The following FAM118B variants were observed in gnomAD, a reference collection of about 807,000 sequenced individuals.
The protein encoded by FAM118B is protein FAM118B.
A neutral mutation model predicts 38.5 loss-of-function variants in FAM118B; 24 were observed. The observed-to-expected ratio is 0.62, with a 90% CI of 0.45 to 0.88. The LOEUF (loss-of-function observed/expected upper bound fraction) is 0.88. Among genes scored for constraint, FAM118B ranks in the 40% least tolerant of loss-of-function variants. The pLI is 0.00. For missense variants in FAM118B, 334 were observed against 420.0 expected (o/e 0.80, Z 1.79); for synonymous variants, 138 against 156.3 (o/e 0.88, Z 0.87).
rs997497060 is a variant in FAM118B at position 126,234,905 on chromosome 11, C to T, written c.-7-90C>T. On this transcript the variant is annotated intron_variant, in intron 2 of 8. Transcript: ENST00000533050. ...CCTCCAAAACACCTTTAAGGGTATA[C>T]AGCTTTTTTAAACTGTTTAATATAT... 5.8e-6 allele frequency: 6 copies of T among 1,027,042 alleles called. No individual in the cohort carries two copies. In the African/African-American group the frequency reaches 9.7e-5, roughly 17 times the overall value. 63.6% of individuals were successfully genotyped at this position (1,027,042 alleles called of 1,614,324 possible).
chr11:126,232,691 G>GT (rs1432376086), intron 2 of FAM118B, among the ~76,000 whole-genome samples: 1 of 150,678 alleles, frequency 6.6e-6, no homozygotes, highest in African/African-American at 2.4e-5. Flanking sequence ...GTTTTTTAAA[G>GT]TTTTTTTAAA....
chr11:126,220,979 G>C (rs1950056080), intron 1 of FAM118B, among the ~76,000 whole-genome samples: 1 of 152,136 alleles, frequency 6.6e-6, no homozygotes. Flanking sequence ...TTGAGGCCAG[G>C]AGTTTGAAAC....
At chr11:126,225,757 A>G (rs957151375) in intron 1 of FAM118B, among the ~76,000 whole-genome samples, 2 of 152,162 alleles carry the variant, frequency 1.3e-5, no homozygotes, top group Admixed American at 6.5e-5. Flanking sequence ...AGGCAGGCAG[A>G]TCATTTGAGG....
At position 126,255,808 on chromosome 11, in the gene FAM118B, C is replaced by G. The variant is rs1225203512; in HGVS notation, c.697-759C>G. Reference sequence around the variant, plus strand: ...TCTCTACTAAAAATAGGAAAATTAGCTGGGCGTGCTGGCAGGTGCCTGTAA... The same window carrying G: ...TCTCTACTAAAAATAGGAAAATTAGGTGGGCGTGCTGGCAGGTGCCTGTAA... On this transcript the variant is annotated intron_variant, in intron 6 of 8. Transcript: ENST00000533050. The surrounding 1 kb of genome is among the most constrained non-coding windows in gnomAD (Gnocchi z 4.6). Among the ~76,000 whole-genome samples the G allele has an allele frequency of 6.6e-6, 1 of 151,382 alleles. No homozygotes were observed. Among genetic ancestry groups the G allele is most frequent in the African/African-American group, 2.4e-5 (1 of 41,094 alleles).
chr11:126,247,422 T>C (rs1950431779), intron 4 of FAM118B, among the ~76,000 whole-genome samples: 1 of 152,232 alleles, frequency 6.6e-6, no homozygotes, highest in Non-Finnish European at 1.5e-5. Flanking sequence ...TTAAAATAAG[T>C]GACCTGGATT....
At chr11:126,214,470 C>CA (rs1191727058) in intron 1 of FAM118B, 3 of 108,266 alleles carry the variant, frequency 2.8e-5, no homozygotes, top group Non-Finnish European at 5.9e-5. Flanking sequence ...ACTGCCACTG[C>CA]AAAAAACTCT....
intron 8 of FAM118B, 130 bp from the exon 9 acceptor site, chr11:126,261,990 A>AATTAC: frequency 1.2e-6 from 1 of 864,804 alleles, no homozygotes; most frequent in Non-Finnish European, 1.8e-6. Context: ...ATTTTAAATA[A>AATTAC]ATTACAAGAT....
intron 7 of FAM118B, among the ~76,000 whole-genome samples, chr11:126,258,073 T>C (rs977452128): frequency 6.6e-5 from 10 of 152,212 alleles, no homozygotes; most frequent in African/African-American, 2.4e-4. Flanking sequence ...TGAAAACTTA[T>C]GTAAGTATTT....
intron 7 of FAM118B, chr11:126,260,419 T>G (rs2135225045): frequency 6.6e-6 from 1 of 151,946 alleles, no homozygotes; most frequent in East Asian, 1.9e-4. Context: ...TTTGGTCCTT[T>G]GAAAATTCAG....
chr11:126,220,407 T>C (rs2135129353), intron 1 of FAM118B, among the ~76,000 whole-genome samples: 1 of 151,066 alleles, frequency 6.6e-6, no homozygotes, highest in Middle Eastern at 3.5e-3. Context: ...CACTGGCCAC[T>C]TTTTTTTTAA....
At chr11:126,227,829 C>T (rs545737673) in intron 1 of FAM118B, among the ~76,000 whole-genome samples, 12 of 152,056 alleles carry the variant, frequency 7.9e-5, no homozygotes, top group Non-Finnish European at 1.5e-4. Flanking sequence ...GAGATGGGTT[C>T]TCACTCTATC....
In FAM118B at chr11:126,220,420, C is replaced by G. The variant is rs371604030; in HGVS notation, c.-77+8590C>G. Among the ~76,000 whole-genome samples, 44 of 151,498 alleles carry G rather than the reference C, an allele frequency of 2.9e-4. No individual in the cohort carries two copies. In the South Asian group the frequency reaches 8.7e-3, roughly 30 times the overall value. ...TTCACTGGCCACTTTTTTTTTAAGACTGATGCTTGGCTGGGCTTGGTGGCC... is the reference window on the plus strand; with the variant it reads ...TTCACTGGCCACTTTTTTTTTAAGAGTGATGCTTGGCTGGGCTTGGTGGCC... On this transcript the variant is annotated intron_variant, in intron 1 of 8. Coordinates refer to ENST00000533050, the MANE Select transcript of FAM118B (RefSeq NM_024556.4).
intron 2 of FAM118B, among the ~76,000 whole-genome samples, chr11:126,230,730 G>A (rs1950198121): frequency 6.6e-6 from 1 of 152,218 alleles, no homozygotes; most frequent in South Asian, 2.1e-4. Context: ...TGAGGAGTAT[G>A]CACTGGACTT....
intron 1 of FAM118B, among the ~76,000 whole-genome samples, chr11:126,218,531 T>A (rs187633277): frequency 7.4e-6 from 1 of 135,730 alleles, no homozygotes; most frequent in Non-Finnish European, 1.6e-5. Flanking sequence ...GGATTTTGGG[T>A]TTTTTTTTGT....
rs976425433 is a variant in FAM118B at position 126,262,686 on chromosome 11, G to A, written c.*553G>A. ...GGCTCTACTTTTAGAGTCATTGTAA[G>A]AAACTCTAACTTGCATCAAGGTACT... On this transcript the variant is annotated 3_prime_UTR_variant, in exon 9 of 9. Coordinates refer to ENST00000533050, the MANE Select transcript of FAM118B (RefSeq NM_024556.4). The A allele has an allele frequency of 1.3e-5, 2 of 152,684 alleles. No homozygotes were observed. Among genetic ancestry groups the A allele is most frequent in the South Asian group, 4.1e-4 (2 of 4,836 alleles). 9.5% of individuals were successfully genotyped at this position (152,684 alleles called of 1,614,324 possible). A position where few individuals can be genotyped will look rare whatever the true frequency, so the allele number is the denominator to read the frequency against.
At chr11:126,211,764 T>A (rs1169569977), upstream of FAM118B, 1 of 1,121,044 alleles carries the variant, frequency 8.9e-7, no homozygotes, top group African/African-American at 1.6e-5. Context: ...GTGGGGACGG[T>A]GCGCGCTCAG....
chr11:126,246,778 A>G (rs917131632), intron 4 of FAM118B, among the ~76,000 whole-genome samples: 8 of 152,104 alleles, frequency 5.3e-5, no homozygotes, highest in Non-Finnish European at 7.4e-5. Flanking sequence ...GGGTAGAAGG[A>G]AATGAAGGTC....
At position 126,256,688 on chromosome 11, in the gene FAM118B, A is replaced by C; in HGVS notation, c.818A>C (p.Glu273Ala). 1 of 1,614,232 alleles carries C rather than the reference A, an allele frequency of 6.2e-7. No individual in the cohort carries two copies. The highest frequency in any genetic ancestry group is 8.5e-7 in the Non-Finnish European group (1 of 1,180,042). Residue 273 changes from glutamate to alanine, a missense_variant, in exon 7 of 9, where the codon GAA becomes GCA. Transcript: ENST00000533050. The surrounding 1 kb of genome is among the most constrained non-coding windows in gnomAD (Gnocchi z 6.6). The stretch of plus-strand genomic sequence containing the variant: ...GCTGTCAAGCATAAATCTGACCTAG[A>C]ACATTTCATGCTGGTTCGGAGAGGA... ...LEAVKHKSDL[E>A]HFMLVRRGDV...
Position 126,229,086 on chromosome 11 carries a change from A to G in FAM118B, c.-76-139A>G, listed in dbSNP as rs540556782. ...TTAAAGAGTTATCTTGCCCTTAAAG[A>G]GTTATTCAATTTCATTTTTAATGAA... is the stretch of plus-strand genomic sequence containing the variant. On this transcript the variant is annotated intron_variant, in intron 1 of 8. Transcript: ENST00000533050. 3.3e-5 allele frequency: 5 copies of G among 152,284 alleles called. 1 individual carries two copies. The highest frequency in any genetic ancestry group is 1.3e-4 in the Admixed American group (2 of 15,294). 9.4% of individuals were successfully genotyped at this position (152,284 alleles called of 1,614,324 possible). A position where few individuals can be genotyped will look rare whatever the true frequency, so the allele number is the denominator to read the frequency against.
Sources: gnomAD v4.1 joint callset for allele counts (sites outside exome capture counted in the v4.1 genomes callset) on GRCh38, gnomAD v4.1.1 for gene constraint, Gnocchi (gnomAD v3.1) non-coding constraint, MANE v1.5 for transcripts, NCBI Gene and HGNC (gene_info 2026-07-23, HGNC 2026-07-21) for gene names.